Variants in FHIT observed in about 807,000 individuals in gnomAD.
The protein encoded by FHIT is fragile histidine triad diadenosine triphosphatase, also known as bis(5'-adenosyl)-triphosphatase.
FHIT carries 19 observed loss-of-function variants against 17.9 expected under a neutral mutation model. The ratio of observed to expected loss-of-function variants is 1.06; its 90% CI spans 0.74 to 1.56. FHIT has a LOEUF of 1.56. Among genes scored for constraint, FHIT ranks in the 40% most tolerant of loss-of-function variants. The pLI is 0.00. For missense variants in FHIT, 248 were observed against 189.2 expected, an observed-to-expected ratio of 1.31 and a Z score of -1.82; for synonymous variants, 81 against 69.7, an observed-to-expected ratio of 1.16 and a Z score of -0.81.
At position 61,223,900 on chromosome 3, in the gene FHIT, GC is replaced by G. The variant is rs374567094; in HGVS notation, c.-212-23236del. Among the ~76,000 whole-genome samples, 38 of 132,728 alleles carry G rather than the reference GC, an allele frequency of 2.9e-4. No individual in the cohort carries two copies. In the East Asian group the frequency reaches 7.0e-3, roughly 25 times the overall value. The allele number at this position is 132,728 out of a possible 152,430, so 87.1% of individuals were successfully genotyped here. A position where few individuals can be genotyped will look rare whatever the true frequency, so the allele number is the denominator to read the frequency against. ...TGATACAGATAAGGGGAAAAATTCT[GC>G]CCCTCTTAAGAACCATATAAATTTG... On this transcript the variant is annotated intron_variant, in intron 1 of 9. Transcript: ENST00000492590.
At chr3:61,124,122 C>T (rs975306938) in intron 2 of FHIT, among the ~76,000 whole-genome samples, 3 of 152,168 alleles carry the variant, frequency 2.0e-5, no homozygotes, top group African/African-American at 7.2e-5. Context: ...ACATGGCACA[C>T]AGACATAACA....
At chr3:60,000,806 A>C (rs1033523793) in intron 7 of FHIT, among the ~76,000 whole-genome samples, 2 of 152,176 alleles carry the variant, frequency 1.3e-5, no homozygotes, top group Non-Finnish European at 2.9e-5. Context: ...ACAATTCCTT[A>C]CCACAGCATA....
At chr3:60,018,420 C>T (rs1021104089) in intron 5 of FHIT, among the ~76,000 whole-genome samples, 2 of 152,112 alleles carry the variant, frequency 1.3e-5, no homozygotes, top group African/African-American at 4.8e-5. Flanking sequence ...TGCTGTGTGA[C>T]TTTCCAAGGT....
intron 1 of FHIT, among the ~76,000 whole-genome samples, chr3:61,251,070 A>T (rs2040612121): frequency 6.6e-6 from 1 of 152,136 alleles, no homozygotes; most frequent in African/African-American, 2.4e-5. Context: ...CAATGTATAA[A>T]CACGGTGGAG....
chr3:60,921,441 G>C (rs1270938948), intron 3 of FHIT, among the ~76,000 whole-genome samples: 1 of 152,156 alleles, frequency 6.6e-6, no homozygotes, highest in Non-Finnish European at 1.5e-5. Context: ...CACTTAAGGA[G>C]GGTTCGAATG....
intron 5 of FHIT, among the ~76,000 whole-genome samples, chr3:60,082,356 T>G (rs982539936): frequency 6.6e-6 from 1 of 152,178 alleles, no homozygotes; most frequent in Non-Finnish European, 1.5e-5. Flanking sequence ...GTACCGTATT[T>G]CCTTTATCTA....
chr3:59,927,811 G>C (rs1479752650), intron 7 of FHIT, among the ~76,000 whole-genome samples: 1 of 151,998 alleles, frequency 6.6e-6, no homozygotes, highest in Non-Finnish European at 1.5e-5. Context: ...CTTAACTGCA[G>C]TGGGTTTCAG....
rs368704641 is a variant in FHIT, at chr3:61,212,732, A to C, written c.-212-12067T>G. On this transcript the variant is annotated intron_variant, in intron 1 of 9. Coordinates refer to ENST00000492590, the MANE Select transcript of FHIT (RefSeq NM_002012.4). ...CACCAAAGTTGAAATGAAGGAAAAAATGTTAAGGGCAGCCAGACAGAAAGG... is the reference window on the plus strand; with the variant it reads ...CACCAAAGTTGAAATGAAGGAAAAACTGTTAAGGGCAGCCAGACAGAAAGG... Among the ~76,000 whole-genome samples, 675 of 152,364 alleles carry C rather than the reference A, an allele frequency of 4.4e-3. 6 individuals are homozygous for C. Among genetic ancestry groups the C allele is most frequent in the Non-Finnish European group, 6.5e-3 (442 of 68,028 alleles).
intron 8 of FHIT, among the ~76,000 whole-genome samples, chr3:59,860,449 G>C (rs1485523012): frequency 6.6e-6 from 1 of 152,206 alleles, no homozygotes; most frequent in African/African-American, 2.4e-5. Flanking sequence ...GTAGGGAAAA[G>C]AAGGATGTTG....
At chr3:60,019,521 T>G (rs1349162662) in intron 5 of FHIT, among the ~76,000 whole-genome samples, 1 of 150,824 alleles carries the variant, frequency 6.6e-6, no homozygotes, top group South Asian at 2.1e-4. Flanking sequence ...TGGGTTCAAG[T>G]GATTCTCCTG....
chr3:59,843,353 T>C (rs1701599513), intron 8 of FHIT, among the ~76,000 whole-genome samples: 1 of 152,182 alleles, frequency 6.6e-6, no homozygotes, highest in Non-Finnish European at 1.5e-5. Context: ...TCATAAAGTA[T>C]GAGTCCTCCA....
intron 3 of FHIT, among the ~76,000 whole-genome samples, chr3:60,948,112 G>T (rs1708716524): frequency 1.3e-5 from 2 of 152,096 alleles, no homozygotes. Flanking sequence ...CATCCTTGAG[G>T]CAAAATCTTT....
intron 5 of FHIT, among the ~76,000 whole-genome samples, chr3:60,121,361 C>T (rs1660993624): frequency 6.6e-6 from 1 of 152,096 alleles, no homozygotes. Context: ...TTCATGGTTT[C>T]AGTTACCTGC....
chr3:60,250,583 T>C (rs780797959), intron 5 of FHIT, among the ~76,000 whole-genome samples: 2 of 152,156 alleles, frequency 1.3e-5, no homozygotes, highest in African/African-American at 2.4e-5. Flanking sequence ...CAATTTAGAA[T>C]TTCCAGGGCA....
intron 5 of FHIT, among the ~76,000 whole-genome samples, chr3:60,361,735 A>G (rs1699914022): frequency 6.6e-6 from 1 of 152,192 alleles, no homozygotes; most frequent in Non-Finnish European, 1.5e-5. Flanking sequence ...ATGACAGTGA[A>G]CACAGAACTT....
Position 59,752,558 on chromosome 3 carries a change from T to C in FHIT, c.349-237A>G, listed in dbSNP as rs558427714. 2.6e-5 allele frequency among the ~76,000 whole-genome samples: 4 copies of C among 152,266 alleles called. No individual in the cohort carries two copies. In the South Asian group the frequency reaches 6.2e-4, roughly 24 times the overall value. ...CTACTGAGGCTGAGGGGGGTGATGA[T>C]ATGATATAGGTCTGTGTCCTTGCCC... On this transcript the variant is annotated intron_variant, in intron 8 of 9. Coordinates refer to ENST00000492590, the MANE Select transcript of FHIT (RefSeq NM_002012.4).
chr3:60,336,769 ACAGT>A (rs1416477753), intron 5 of FHIT, among the ~76,000 whole-genome samples: 4 of 152,194 alleles, frequency 2.6e-5, no homozygotes, highest in Admixed American at 1.3e-4. Flanking sequence ...ATAATAACAT[ACAGT>A]AAGTTAGCAA....
chr3:61,124,067 T>C (rs904709453), intron 2 of FHIT, among the ~76,000 whole-genome samples: 3 of 152,168 alleles, frequency 2.0e-5, no homozygotes, highest in Admixed American at 6.5e-5. Context: ...ATAGTATCAT[T>C]ACCACTGAAG....
chr3:60,096,386 A>C (rs956357596), intron 5 of FHIT, among the ~76,000 whole-genome samples: 39 of 152,220 alleles, frequency 2.6e-4, no homozygotes, highest in African/African-American at 9.4e-4. Flanking sequence ...GTAGTACTCG[A>C]AAAAGCAACA....
Sources: gnomAD v4.1 joint callset for allele counts (sites outside exome capture counted in the v4.1 genomes callset) on GRCh38, gnomAD v4.1.1 for gene constraint, MANE v1.5 for transcripts, NCBI Gene and HGNC (gene_info 2026-07-23, HGNC 2026-07-21) for gene names.